NXPH1: variants seen among roughly 807,000 people sequenced by gnomAD.
NXPH1 encodes neurexophilin 1.
A neutral mutation model predicts 23.7 loss-of-function variants in NXPH1; 5 were observed. The ratio of observed to expected loss-of-function variants is 0.21; its 90% CI spans 0.11 to 0.44. NXPH1 has a LOEUF of 0.44. Among genes scored for constraint, NXPH1 ranks in the 20% least tolerant of loss-of-function variants. The pLI, the probability that NXPH1 is intolerant of heterozygous loss-of-function variation, is 0.99. For missense variants in NXPH1, 324 were observed against 321.6 expected (o/e 1.01, Z -0.06); for synonymous variants, 144 against 122.2 (o/e 1.18, Z -1.18).
chr7:8,646,989 G>T (rs1014536308), intron 2 of NXPH1, among the ~76,000 whole-genome samples: 5 of 151,936 alleles, frequency 3.3e-5, no homozygotes, highest in African/African-American at 1.2e-4. Flanking sequence ...GGAGGAGAGA[G>T]AAGAAGGTGG....
At chr7:8,695,034 C>G (rs1284074695) in intron 2 of NXPH1, among the ~76,000 whole-genome samples, 2 of 152,094 alleles carry the variant, frequency 1.3e-5, no homozygotes, top group Non-Finnish European at 2.9e-5. Flanking sequence ...GGATGTCTGG[C>G]AGAACTAGGA....
intron 2 of NXPH1, among the ~76,000 whole-genome samples, chr7:8,553,310 AT>A (rs1218639515): frequency 4.1e-5 from 6 of 146,952 alleles, no homozygotes; most frequent in East Asian, 4.0e-4. Context: ...GAAAGTTCCA[AT>A]TTTTTTTTCT....
intron 2 of NXPH1, among the ~76,000 whole-genome samples, chr7:8,731,117 T>C (rs922356103): frequency 1.3e-5 from 2 of 151,976 alleles, no homozygotes; most frequent in Non-Finnish European, 2.9e-5. Flanking sequence ...ATACCCTTTC[T>C]TCCAGTTGAT....
intron 2 of NXPH1, among the ~76,000 whole-genome samples, chr7:8,470,356 A>G (rs1473259311): frequency 6.6e-6 from 1 of 152,186 alleles, no homozygotes; most frequent in Non-Finnish European, 1.5e-5. Context: ...TATGTGGTCA[A>G]GAGTAACAGA....
intron 2 of NXPH1, among the ~76,000 whole-genome samples, chr7:8,659,928 G>C (rs1002795282): frequency 6.6e-6 from 1 of 152,158 alleles, no homozygotes; most frequent in Non-Finnish European, 1.5e-5. Flanking sequence ...TGATTGTGCA[G>C]ATAAACAATT....
chr7:8,651,420 C>T (rs562380724), intron 2 of NXPH1, among the ~76,000 whole-genome samples: 21 of 137,688 alleles, frequency 1.5e-4, no homozygotes, highest in African/African-American at 2.9e-4. Context: ...TGAATAATGC[C>T]GCAATAAACA....
chr7:8,602,536 C>G (rs190267802), intron 2 of NXPH1, among the ~76,000 whole-genome samples: 134 of 152,296 alleles, frequency 8.8e-4, no homozygotes, highest in African/African-American at 2.9e-3. Context: ...AATCCTCTTT[C>G]CTTTGAATGT....
At chr7:8,718,711 T>A (rs774426280) in intron 2 of NXPH1, among the ~76,000 whole-genome samples, 2 of 152,180 alleles carry the variant, frequency 1.3e-5, no homozygotes. Context: ...ATGAAATGAG[T>A]TACTTAGACA....
intron 2 of NXPH1, among the ~76,000 whole-genome samples, chr7:8,554,919 A>G (rs1183867481): frequency 6.6e-6 from 1 of 151,716 alleles, no homozygotes; most frequent in Non-Finnish European, 1.5e-5. Context: ...GGGATATCAA[A>G]TTGATGGAAA....
At chr7:8,571,275 ATATATT>A (rs1404263607) in intron 2 of NXPH1, among the ~76,000 whole-genome samples, 5 of 151,824 alleles carry the variant, frequency 3.3e-5, no homozygotes, top group Non-Finnish European at 7.4e-5. Flanking sequence ...CCACTCCCAG[ATATATT>A]TAAGAAGTGG....
chr7:8,631,920 G>A (rs1820137747), intron 2 of NXPH1, among the ~76,000 whole-genome samples: 1 of 152,098 alleles, frequency 6.6e-6, no homozygotes, highest in Non-Finnish European at 1.5e-5. Context: ...TGATCAAGAT[G>A]AGTATTACAT....
At chr7:8,653,902 G>A (rs1820530021) in intron 2 of NXPH1, among the ~76,000 whole-genome samples, 1 of 152,052 alleles carries the variant, frequency 6.6e-6, no homozygotes, top group Non-Finnish European at 1.5e-5. Context: ...CATGGCTAGG[G>A]GTCAACTCCT....
chr7:8,605,041 A>G (rs888548169), intron 2 of NXPH1, among the ~76,000 whole-genome samples: 4 of 152,158 alleles, frequency 2.6e-5, no homozygotes, highest in Non-Finnish European at 5.9e-5. Context: ...CCATATTGCC[A>G]TATTTACTTC....
intron 2 of NXPH1, among the ~76,000 whole-genome samples, chr7:8,577,129 G>T (rs1201498034): frequency 1.3e-5 from 2 of 152,126 alleles, no homozygotes; most frequent in Non-Finnish European, 2.9e-5. Flanking sequence ...TCCCTGTATT[G>T]TTTAATGTAT....
intron 2 of NXPH1, among the ~76,000 whole-genome samples, chr7:8,455,115 T>C (rs1038407612): frequency 1.3e-5 from 2 of 152,170 alleles, no homozygotes; most frequent in African/African-American, 4.8e-5. Flanking sequence ...CTTGCAATCG[T>C]ATGCCACGCC....
intron 2 of NXPH1, among the ~76,000 whole-genome samples, chr7:8,478,365 G>A (rs867498988): frequency 1.2e-4 from 18 of 152,112 alleles, no homozygotes; most frequent in South Asian, 1.0e-3. Flanking sequence ...ATGAGGGGGT[G>A]TAACTCCAGA....
chr7:8,579,529 T>A (rs1159982824), intron 2 of NXPH1, among the ~76,000 whole-genome samples: 1 of 152,078 alleles, frequency 6.6e-6, no homozygotes, highest in Non-Finnish European at 1.5e-5. Flanking sequence ...TGCACCACCA[T>A]GCCCAGCTAA....
intron 2 of NXPH1, among the ~76,000 whole-genome samples, chr7:8,708,433 T>C (rs1257956462): frequency 6.6e-6 from 1 of 152,288 alleles, no homozygotes; most frequent in Admixed American, 6.5e-5. Context: ...CGATCTCAGC[T>C]CACTGCAACC....
intron 2 of NXPH1, among the ~76,000 whole-genome samples, chr7:8,632,421 T>G (rs1820150134): frequency 6.6e-6 from 1 of 152,200 alleles, no homozygotes; most frequent in Admixed American, 6.5e-5. Flanking sequence ...CTTTATGTCT[T>G]TGGCTCTTTT....
Sources: allele counts gnomAD v4.1 joint callset (sites outside exome capture counted in the v4.1 genomes callset), GRCh38; gene constraint gnomAD v4.1.1; transcripts MANE v1.5; gene names NCBI Gene and HGNC (gene_info 2026-07-23, HGNC 2026-07-21).